C10orf90: variants seen among roughly 807,000 people sequenced by gnomAD.
The protein encoded by C10orf90 is (E2-independent) E3 ubiquitin-conjugating enzyme FATS.
In C10orf90, 56 loss-of-function variants were observed where a neutral mutation model predicts 62.5. The ratio of observed to expected loss-of-function variants is 0.90; its 90% CI spans 0.72 to 1.12. The LOEUF is 1.12. Among genes scored for constraint, C10orf90 ranks in the 50% most tolerant of loss-of-function variants. C10orf90 has a pLI of 0.00. For missense variants in C10orf90, 970 were observed against 880.4 expected (o/e 1.10, Z -1.29); for synonymous variants, 386 against 340.4 (o/e 1.13, Z -1.47).
At chr10:126,626,051 C>T (rs1231714500) in intron 2 of C10orf90, among the ~76,000 whole-genome samples, 2 of 151,400 alleles carry the variant, frequency 1.3e-5, no homozygotes, top group Non-Finnish European at 2.9e-5. Context: ...ATTGCTTGAA[C>T]CCAGGAGGCA....
At chr10:126,578,497 G>A (rs1844671554) in intron 2 of C10orf90, among the ~76,000 whole-genome samples, 1 of 152,174 alleles carries the variant, frequency 6.6e-6, no homozygotes, top group Non-Finnish European at 1.5e-5. Flanking sequence ...TGTTAGCAAG[G>A]ATATGGAGCA....
At chr10:126,530,431 A>G (rs1338273553) in intron 2 of C10orf90, among the ~76,000 whole-genome samples, 2 of 152,186 alleles carry the variant, frequency 1.3e-5, no homozygotes, top group Non-Finnish European at 2.9e-5. Flanking sequence ...GAAAAGGATA[A>G]TAAGAGAACA....
intron 4 of C10orf90, among the ~76,000 whole-genome samples, chr10:126,483,451 T>G (rs1380753389): frequency 6.6e-6 from 1 of 152,200 alleles, no homozygotes; most frequent in African/African-American, 2.4e-5. Context: ...AATCCTAGAC[T>G]CCATGCCTTG....
chr10:126,446,583 A>G (rs1858800167), intron 7 of C10orf90, among the ~76,000 whole-genome samples: 2 of 152,132 alleles, frequency 1.3e-5, no homozygotes, highest in Non-Finnish European at 2.9e-5. Flanking sequence ...AAAAAAACAA[A>G]AGCTAAGGGG....
intron 2 of C10orf90, among the ~76,000 whole-genome samples, chr10:126,568,259 G>GC (rs1844433938): frequency 6.6e-6 from 1 of 152,228 alleles, no homozygotes; most frequent in Non-Finnish European, 1.5e-5. Context: ...GCTGGAATCA[G>GC]CCCGTTAGCC....
intron 1 of C10orf90, among the ~76,000 whole-genome samples, chr10:126,662,868 C>A (rs1388044970): frequency 1.3e-5 from 2 of 151,380 alleles, no homozygotes; most frequent in African/African-American, 4.9e-5. Flanking sequence ...GGATGGGTGC[C>A]TCCGTGCATT....
At chr10:126,445,826 T>TATATATATATATATATATATAC (rs57867349) in intron 7 of C10orf90, among the ~76,000 whole-genome samples, 9 of 144,822 alleles carry the variant, frequency 6.2e-5, no homozygotes, top group African/African-American at 2.3e-4. Flanking sequence ...TATATATATA[T>TATATATATATATATATATATAC]ACAATGGAAT....
chr10:126,626,227 G>T (rs1179792085), intron 2 of C10orf90, among the ~76,000 whole-genome samples: 2 of 151,834 alleles, frequency 1.3e-5, no homozygotes, highest in Non-Finnish European at 2.9e-5. Context: ...ATCACAGAAG[G>T]CCCCAGGGAA....
At chr10:126,592,265 C>A (rs1176913594) in intron 2 of C10orf90, among the ~76,000 whole-genome samples, 2 of 152,062 alleles carry the variant, frequency 1.3e-5, no homozygotes, top group Non-Finnish European at 2.9e-5. Context: ...AAAGAAAAAG[C>A]TGGAGGCATC....
chr10:126,644,785 A>T (rs1846133676), intron 2 of C10orf90, among the ~76,000 whole-genome samples: 1 of 152,146 alleles, frequency 6.6e-6, no homozygotes, highest in South Asian at 2.1e-4. Context: ...TCTCACGGCC[A>T]CCTCTGAGTG....
At chr10:126,501,811 A>T (rs1862398920) in intron 4 of C10orf90, among the ~76,000 whole-genome samples, 1 of 152,156 alleles carries the variant, frequency 6.6e-6, no homozygotes. Flanking sequence ...GAAGTAACAT[A>T]GCAGTGGAAA....
intron 2 of C10orf90, among the ~76,000 whole-genome samples, chr10:126,639,781 A>G (rs1409783631): frequency 1.3e-5 from 2 of 152,262 alleles, no homozygotes; most frequent in African/African-American, 2.4e-5. Flanking sequence ...TTCGTAGTAC[A>G]GTGTTTTACC....
intron 2 of C10orf90, among the ~76,000 whole-genome samples, chr10:126,621,372 A>G (rs923635095): frequency 2.0e-5 from 3 of 152,214 alleles, no homozygotes; most frequent in Non-Finnish European, 4.4e-5. Context: ...ATCAATTTGT[A>G]TGACACTTAA....
chr10:126,580,721 G>A (rs1187254731), intron 2 of C10orf90, among the ~76,000 whole-genome samples: 1 of 151,576 alleles, frequency 6.6e-6, no homozygotes, highest in African/African-American at 2.4e-5. Context: ...AACAAGAAGT[G>A]TGCGTGTATG....
intron 2 of C10orf90, among the ~76,000 whole-genome samples, chr10:126,559,371 T>C (rs921271462): frequency 3.9e-5 from 6 of 152,210 alleles, no homozygotes; most frequent in Non-Finnish European, 8.8e-5. Context: ...TGGCTCAGCT[T>C]TTTTATGGAC....
chr10:126,439,801 G>GGATATAT (rs1479183393), intron 7 of C10orf90, among the ~76,000 whole-genome samples: 4 of 152,128 alleles, frequency 2.6e-5, no homozygotes, highest in Non-Finnish European at 5.9e-5. Context: ...GAAAGCTTAT[G>GGATATAT]GGATTTATAG....
chr10:126,454,782 C>A (rs993597965), intron 7 of C10orf90, among the ~76,000 whole-genome samples: 1 of 152,032 alleles, frequency 6.6e-6, no homozygotes, highest in African/African-American at 2.4e-5. Context: ...AGGTTATGGC[C>A]GGCCTTTGAA....
chr10:126,583,364 C>G (rs1844793094), intron 2 of C10orf90, among the ~76,000 whole-genome samples: 1 of 151,908 alleles, frequency 6.6e-6, no homozygotes. Flanking sequence ...AACTAAAAGT[C>G]TCTCATTCTC....
At chr10:126,664,735 A>C (rs774641865) in intron 1 of C10orf90, among the ~76,000 whole-genome samples, 7 of 152,062 alleles carry the variant, frequency 4.6e-5, no homozygotes, top group Non-Finnish European at 8.8e-5. Flanking sequence ...CTCACACTTG[A>C]CCTCTCATTA....
Sources: gnomAD v4.1 joint callset for allele counts (sites outside exome capture counted in the v4.1 genomes callset) on GRCh38, gnomAD v4.1.1 for gene constraint, MANE v1.5 for transcripts, NCBI Gene and HGNC (gene_info 2026-07-23, HGNC 2026-07-21) for gene names.